SLC14A2: variants seen among roughly 807,000 people sequenced by gnomAD.
SLC14A2 encodes urea transporter 2.
In SLC14A2, 91 loss-of-function variants were observed where a neutral mutation model predicts 104.6. The observed-to-expected ratio is 0.87, with a 90% CI of 0.73 to 1.04. The LOEUF (loss-of-function observed/expected upper bound fraction) is 1.04, where lower values mean the gene tolerates loss of function less well. Ranked by LOEUF, SLC14A2 falls within the 50% of genes least tolerant of loss-of-function variation. The probability of loss-of-function intolerance (pLI) is 0.00; values close to 1 mark genes in which losing one functional copy is unlikely to be tolerated. For missense variants in SLC14A2, 1,189 were observed against 1,156.0 expected (o/e 1.03, Z -0.41); for synonymous variants, 476 against 466.4 (o/e 1.02, Z -0.27).
intron 1 of SLC14A2, among the ~76,000 whole-genome samples, chr18:45,255,961 T>TA (rs2084473647): frequency 6.6e-6 from 1 of 152,218 alleles, no homozygotes; most frequent in East Asian, 1.9e-4. Flanking sequence ...CTTAAAAGAC[T>TA]AAGCCTTTTG....
chr18:45,513,808 C>G (rs117888867), intron 2 of SLC14A2, among the ~76,000 whole-genome samples: 1,901 of 152,260 alleles, frequency 0.012, 22 homozygotes, highest in Non-Finnish European at 0.021. Flanking sequence ...ACTGTACCGA[C>G]TCAGACCCAT....
chr18:45,560,367 A>C (rs1222376764), intron 2 of SLC14A2, among the ~76,000 whole-genome samples: 2 of 152,098 alleles, frequency 1.3e-5, no homozygotes, highest in Non-Finnish European at 2.9e-5. Flanking sequence ...CTCTACCCCC[A>C]GAATCTCCTC....
At chr18:45,546,111 T>G (rs1198348929) in intron 2 of SLC14A2, among the ~76,000 whole-genome samples, 2 of 152,224 alleles carry the variant, frequency 1.3e-5, no homozygotes, top group Non-Finnish European at 2.9e-5. Context: ...ATCCACTGTG[T>G]CATTGCAGCT....
intron 1 of SLC14A2, among the ~76,000 whole-genome samples, chr18:45,326,638 A>G (rs188015148): frequency 6.6e-6 from 1 of 152,304 alleles, no homozygotes; most frequent in African/African-American, 2.4e-5. Flanking sequence ...CCATTTTACT[A>G]GTGAGCAGGG....
intron 1 of SLC14A2, among the ~76,000 whole-genome samples, chr18:45,290,951 A>C (rs1568137736): frequency 6.6e-6 from 1 of 152,180 alleles, no homozygotes; most frequent in Non-Finnish European, 1.5e-5. Context: ...CCTTGCATGA[A>C]ATATGTCCTC....
intron 1 of SLC14A2, among the ~76,000 whole-genome samples, chr18:45,475,089 A>T (rs1189623504): frequency 6.6e-6 from 1 of 152,074 alleles, no homozygotes; most frequent in Non-Finnish European, 1.5e-5. Flanking sequence ...CTTTCTTCTC[A>T]TTGGTTTCAA....
intron 1 of SLC14A2, among the ~76,000 whole-genome samples, chr18:45,426,965 C>A (rs2086442310): frequency 6.6e-6 from 1 of 152,206 alleles, no homozygotes; most frequent in East Asian, 1.9e-4. Flanking sequence ...CCTCCTTTCA[C>A]CTCTTCAGAT....
chr18:45,247,135 AC>A (rs1293487063), intron 1 of SLC14A2, among the ~76,000 whole-genome samples: 1 of 152,164 alleles, frequency 6.6e-6, no homozygotes, highest in African/African-American at 2.4e-5. Context: ...ATTTCAGCAC[AC>A]CCAATATAAA....
At chr18:45,278,925 A>G (rs2084732369) in intron 1 of SLC14A2, among the ~76,000 whole-genome samples, 1 of 152,216 alleles carries the variant, frequency 6.6e-6, no homozygotes, top group Admixed American at 6.5e-5. Flanking sequence ...GGCGTGATGT[A>G]AAACACTTTG....
chr18:45,488,088 T>A (rs946235820), intron 2 of SLC14A2, among the ~76,000 whole-genome samples: 4 of 152,142 alleles, frequency 2.6e-5, no homozygotes, highest in African/African-American at 9.7e-5. Context: ...GACTCAGAAC[T>A]TAGGAATCAG....
intron 2 of SLC14A2, among the ~76,000 whole-genome samples, chr18:45,558,418 T>A (rs563809959): frequency 1.3e-5 from 2 of 152,014 alleles, no homozygotes; most frequent in Admixed American, 6.6e-5. Context: ...ACAGAGAAGA[T>A]GGAAATGAGA....
At chr18:45,565,371 G>A (rs745587288) in intron 2 of SLC14A2, among the ~76,000 whole-genome samples, 7 of 152,006 alleles carry the variant, frequency 4.6e-5, no homozygotes, top group Non-Finnish European at 8.8e-5. Flanking sequence ...TGATCCGCCC[G>A]CCTCGTGGGA....
At chr18:45,256,570 G>A (rs151128560) in intron 1 of SLC14A2, among the ~76,000 whole-genome samples, 19 of 152,084 alleles carry the variant, frequency 1.2e-4, no homozygotes, top group Non-Finnish European at 2.2e-4. Context: ...AACTCAATTC[G>A]GTGGAAGGCA....
chr18:45,231,101 A>C (rs2084169902), intron 1 of SLC14A2, among the ~76,000 whole-genome samples: 3 of 152,222 alleles, frequency 2.0e-5, no homozygotes, highest in Non-Finnish European at 4.4e-5. Flanking sequence ...ACAGGGTAAG[A>C]AATTGACGCA....
intron 1 of SLC14A2, among the ~76,000 whole-genome samples, chr18:45,471,380 T>C (rs1480530224): frequency 6.6e-6 from 1 of 152,208 alleles, no homozygotes; most frequent in Middle Eastern, 3.2e-3. Flanking sequence ...ATCATTTCTG[T>C]ATCAATTTTT....
intron 2 of SLC14A2, among the ~76,000 whole-genome samples, chr18:45,544,472 T>C (rs1251449867): frequency 1.3e-5 from 2 of 152,214 alleles, no homozygotes; most frequent in African/African-American, 4.8e-5. Context: ...TGTTGTCTTG[T>C]TCATAGTAAT....
At chr18:45,276,146 G>A (rs2084700114) in intron 1 of SLC14A2, among the ~76,000 whole-genome samples, 1 of 152,226 alleles carries the variant, frequency 6.6e-6, no homozygotes, top group Non-Finnish European at 1.5e-5. Context: ...GAGAGTATAG[G>A]TAAATGTAGT....
At chr18:45,370,008 G>GAC (rs1435552249) in intron 1 of SLC14A2, among the ~76,000 whole-genome samples, 2 of 152,214 alleles carry the variant, frequency 1.3e-5, no homozygotes, top group Non-Finnish European at 2.9e-5. Flanking sequence ...CTGAGAGCCA[G>GAC]AGCTGTTGAG....
At chr18:45,266,958 C>G (rs757889182) in intron 1 of SLC14A2, among the ~76,000 whole-genome samples, 1 of 152,078 alleles carries the variant, frequency 6.6e-6, no homozygotes, top group Admixed American at 6.6e-5. Flanking sequence ...TGACACGTCT[C>G]CTCAAACATG....
Sources: gnomAD v4.1 joint callset for allele counts (sites outside exome capture counted in the v4.1 genomes callset) on GRCh38, gnomAD v4.1.1 for gene constraint, MANE v1.5 for transcripts, NCBI Gene and HGNC (gene_info 2026-07-23, HGNC 2026-07-21) for gene names.